Variants in FRMD4A observed in about 807,000 individuals in gnomAD.
The protein encoded by FRMD4A is FERM domain containing 4A.
Under a neutral mutation model 129.1 loss-of-function variants are expected in FRMD4A, and 29 were observed. The ratio of observed to expected loss-of-function variants is 0.22; its 90% CI spans 0.17 to 0.31. FRMD4A has a LOEUF of 0.31. FRMD4A is among the 10% of genes least tolerant of loss of function. The pLI, the probability that FRMD4A is intolerant of heterozygous loss-of-function variation, is 1.00. For synonymous variants in FRMD4A, 634 were observed against 571.6 expected, an observed-to-expected ratio of 1.11 and a Z score of -1.56; for missense variants, 1,272 against 1,375.8, an observed-to-expected ratio of 0.92 and a Z score of 1.19.
chr10:14,180,344 C>G (rs917308374), intron 2 of FRMD4A, among the ~76,000 whole-genome samples: 3 of 152,158 alleles, frequency 2.0e-5, no homozygotes, highest in African/African-American at 4.8e-5. Flanking sequence ...ATTTTGTTAT[C>G]CATGCAATTT....
intron 2 of FRMD4A, among the ~76,000 whole-genome samples, chr10:13,982,587 G>A (rs868786468): frequency 7.8e-4 from 119 of 152,026 alleles, no homozygotes; most frequent in Middle Eastern, 3.4e-3. Flanking sequence ...TACCCAGAAG[G>A]AAGGAACGCT....
At chr10:14,056,795 CTT>C (rs1834555138) in intron 2 of FRMD4A, among the ~76,000 whole-genome samples, 1 of 152,166 alleles carries the variant, frequency 6.6e-6, no homozygotes, top group Non-Finnish European at 1.5e-5. Context: ...TTTGCTGCTT[CTT>C]TGTTTCTTCT....
At chr10:14,147,167 C>G (rs1217305318) in intron 2 of FRMD4A, among the ~76,000 whole-genome samples, 1 of 152,112 alleles carries the variant, frequency 6.6e-6, no homozygotes, top group Non-Finnish European at 1.5e-5. Context: ...TTTCTTATGC[C>G]AACCTGCAGT....
chr10:14,175,967 C>T (rs1841710250), intron 2 of FRMD4A, among the ~76,000 whole-genome samples: 1 of 152,238 alleles, frequency 6.6e-6, no homozygotes, highest in African/African-American at 2.4e-5. Context: ...GAGTGCAACT[C>T]GCTGTCCTTA....
intron 2 of FRMD4A, among the ~76,000 whole-genome samples, chr10:13,897,639 C>T (rs1300902916): frequency 9.9e-5 from 15 of 152,088 alleles, no homozygotes; most frequent in Non-Finnish European, 1.9e-4. Context: ...TAGAATTAAA[C>T]ATTATAGGCC....
At chr10:13,731,099 A>G (rs947355274) in intron 12 of FRMD4A, among the ~76,000 whole-genome samples, 1 of 151,992 alleles carries the variant, frequency 6.6e-6, no homozygotes, top group Non-Finnish European at 1.5e-5. Context: ...GCCAAGACAG[A>G]CATGTAAGAT....
At chr10:13,653,701 T>C (rs541498891) in intron 23 of FRMD4A, 4 of 152,332 alleles carry the variant, frequency 2.6e-5, no homozygotes, top group African/African-American at 9.6e-5. Context: ...GAACCTAACA[T>C]CTACTTAGAG....
At chr10:14,006,134 A>G (rs1030243489) in intron 2 of FRMD4A, among the ~76,000 whole-genome samples, 2 of 152,190 alleles carry the variant, frequency 1.3e-5, no homozygotes, top group Admixed American at 1.3e-4. Context: ...TCTGACCCAC[A>G]GTGTTAGATG....
chr10:14,261,067 G>A (rs1394350863), intron 2 of FRMD4A, among the ~76,000 whole-genome samples: 2 of 152,026 alleles, frequency 1.3e-5, no homozygotes, highest in Non-Finnish European at 2.9e-5. Flanking sequence ...TAAACATATG[G>A]GACTGAGAGG....
At chr10:13,921,262 C>CTTTCTCTCTT (rs1383958291) in intron 2 of FRMD4A, among the ~76,000 whole-genome samples, 1 of 4,718 alleles carries the variant, frequency 2.1e-4, no homozygotes, top group Non-Finnish European at 6.2e-4. Context: ...CTCTCTCTCT[C>CTTTCTCTCTT]TCTTTCTCTC....
chr10:13,940,631 C>A (rs946415998), intron 2 of FRMD4A, among the ~76,000 whole-genome samples: 3 of 152,186 alleles, frequency 2.0e-5, no homozygotes, highest in Admixed American at 2.0e-4. Context: ...CTTCTTCACA[C>A]AAGGTTAACT....
In FRMD4A at chr10:14,191,799, T is replaced by TC. The variant is rs1359618392; in HGVS notation, c.45+138258_45+138259insG. The stretch of plus-strand genomic sequence containing the variant: ...AGTTTTCAGCTCAACTGGCTGTTTT[T>TC]TTTTTTTCTCTCTCTCTCTCTCTCT... On this transcript the variant is annotated intron_variant, in intron 2 of 24. Coordinates refer to ENST00000357447, the MANE Select transcript of FRMD4A (RefSeq NM_018027.5). Among the ~76,000 whole-genome samples, 20 of 114,088 alleles carry TC rather than the reference T, an allele frequency of 1.8e-4. No individual in the cohort carries two copies. In the East Asian group the frequency reaches 5.3e-3, roughly 30 times the overall value. The allele number at this position is 114,088 out of a possible 152,430, so 74.8% of individuals were successfully genotyped here.
chr10:13,747,893 G>T (rs1165775812), intron 8 of FRMD4A, 74 bp from the exon 9 acceptor site: 2 of 846,810 alleles, frequency 2.4e-6, no homozygotes, highest in East Asian at 2.5e-5. Context: ...CACTTGGGCC[G>T]CTGTCTTGTC....
chr10:13,971,200 A>C (rs1323536384), intron 2 of FRMD4A, among the ~76,000 whole-genome samples: 1 of 152,210 alleles, frequency 6.6e-6, no homozygotes, highest in African/African-American at 2.4e-5. Context: ...ACACATGCAC[A>C]CACCGCATGC....
chr10:13,661,396 C>T (rs2082630053), intron 19 of FRMD4A, among the ~76,000 whole-genome samples: 1 of 151,980 alleles, frequency 6.6e-6, no homozygotes, highest in Admixed American at 6.6e-5. Context: ...GTGTGGAGGC[C>T]CTGAGGGCAG....
intron 2 of FRMD4A, among the ~76,000 whole-genome samples, chr10:14,269,213 T>C (rs1208200981): frequency 1.3e-5 from 2 of 152,318 alleles, no homozygotes; most frequent in African/African-American, 2.4e-5. Context: ...GCACAAAATA[T>C]GCTCAAAACA....
chr10:13,783,091 A>G, intron 5 of FRMD4A, 85 bp from the exon 6 acceptor site: 1 of 733,260 alleles, frequency 1.4e-6, no homozygotes, highest in South Asian at 1.5e-5. Flanking sequence ...ATTTGAGATG[A>G]AAGCTGGCAT....
chr10:14,125,788 G>A lies in FRMD4A; in HGVS notation c.45+204270C>T, dbSNP rs368187687. Among the ~76,000 whole-genome samples the A allele has an allele frequency of 1.5e-4, 23 of 152,130 alleles. No individual in the cohort carries two copies. In the East Asian group the frequency reaches 3.5e-3, roughly 23 times the overall value. ...ACACATACACGGCTCCTGCTATCTC[G>A]GAACTTCCAGGCTGATAAGGAGAAA... On this transcript the variant is annotated intron_variant, in intron 2 of 24. Transcript: ENST00000357447.
At chr10:14,077,758 T>A (rs1316151153) in intron 2 of FRMD4A, among the ~76,000 whole-genome samples, 1 of 152,244 alleles carries the variant, frequency 6.6e-6, no homozygotes, top group Non-Finnish European at 1.5e-5. Flanking sequence ...TGGCTTGATG[T>A]CTAATGCTTG....
Sources: gnomAD v4.1 joint callset for allele counts (sites outside exome capture counted in the v4.1 genomes callset) on GRCh38, gnomAD v4.1.1 for gene constraint, MANE v1.5 for transcripts, NCBI Gene and HGNC (gene_info 2026-07-23, HGNC 2026-07-21) for gene names.